Variants in HELZ2 observed in about 807,000 individuals in gnomAD.
The protein encoded by HELZ2 is 3'-5' exoribonuclease HELZ2.
HELZ2 carries 143 observed loss-of-function variants against 208.8 expected under a neutral mutation model. That is an observed-to-expected ratio of 0.68 (90% CI 0.60 to 0.79). HELZ2 has a LOEUF of 0.79. HELZ2 is among the 30% of genes least tolerant of loss of function. The pLI is 0.00. For synonymous variants in HELZ2, 1,705 were observed against 1,693.7 expected (o/e 1.01, Z -0.16); for missense variants, 3,690 against 3,794.5 (o/e 0.97, Z 0.72).
At chr20:63,564,583 C>T in exon 8 of HELZ2, 1 of 1,566,532 alleles carries the variant, frequency 6.4e-7, no homozygotes, top group Non-Finnish European at 8.6e-7. Context: ...TGAGGACGTC[C>T]TGGCAGAGGC....
At chr20:63,560,840 C>T in exon 15 of HELZ2, 1 of 1,613,254 alleles carries the variant, frequency 6.2e-7, no homozygotes, top group Non-Finnish European at 8.5e-7. Context: ...CGTGGTACCG[C>T]TCGAACAGAG....
intron 1 of HELZ2, 35 bp downstream of exon 2, chr20:63,572,073 G>T: frequency 5.1e-6 from 8 of 1,570,520 alleles, no homozygotes; most frequent in Non-Finnish European, 6.9e-6. Flanking sequence ...GTGGGCTCCT[G>T]CCCTACTCCA....
downstream of HELZ2, chr20:63,558,612 C>T (rs1193234504): frequency 6.6e-6 from 1 of 152,214 alleles, no homozygotes; most frequent in Non-Finnish European, 1.5e-5. Flanking sequence ...CATCAGAGCT[C>T]ACTGCAGCCT....
chr20:63,566,340 G>A (rs2082956810), intron 7 of HELZ2, 38 bp downstream of exon 8: 1 of 1,538,922 alleles, frequency 6.5e-7, no homozygotes, highest in Admixed American at 2.0e-5. Context: ...GGGGTATCCT[G>A]GGGCAGCTGG....
At chr20:63,573,452 C>A (rs1207974309), upstream of HELZ2, among the ~76,000 whole-genome samples, 1 of 152,154 alleles carries the variant, frequency 6.6e-6, no homozygotes, top group African/African-American at 2.4e-5. This position sits in a 1 kb window ranked among gnomAD's most constrained non-coding sequence, Gnocchi z 4.9. Flanking sequence ...CTGACCCGGA[C>A]ACAGCCAGAC....
At chr20:63,565,132 C>G (rs768732092) in exon 8 of HELZ2, 11 of 1,578,646 alleles carry the variant, frequency 7.0e-6, no homozygotes, top group Non-Finnish European at 9.5e-6. Context: ...GGTCCTTCAG[C>G]TCGGCCACGA....
At chr20:63,562,186 G>A in exon 10 of HELZ2, 13 of 1,612,194 alleles carry the variant, frequency 8.1e-6, no homozygotes, top group Non-Finnish European at 1.1e-5. Flanking sequence ...TGCCGCTCCA[G>A]GAACCTGCTG....
Position 63,562,003 on chromosome 20 carries a change from A to G in HELZ2, c.6530-19T>C, listed in dbSNP as rs1351998323. 1 of 1,595,044 alleles carries G rather than the reference A, an allele frequency of 6.3e-7. No homozygotes were observed. The highest frequency in any genetic ancestry group is 1.3e-5 in the African/African-American group (1 of 74,504). The stretch of plus-strand genomic sequence containing the variant: ...CCTGTACCTGCAGCCAGAGAATAGG[A>G]GATTGTAGCCCACCCTGTGGGTCCC... On this transcript the variant is annotated intron_variant, in intron 10 of 18. Coordinates refer to ENST00000467148, the Ensembl canonical transcript of HELZ2.
chr20:63,567,523 T>C, exon 6 of HELZ2: 2 of 1,563,938 alleles, frequency 1.3e-6, no homozygotes, highest in Non-Finnish European at 1.7e-6. Context: ...TGGGTCCGTC[T>C]GGCTCAGCGG....
At chr20:63,563,512 G>C (rs568050789) in exon 8 of HELZ2, 1 of 1,510,408 alleles carries the variant, frequency 6.6e-7, no homozygotes, top group Non-Finnish European at 8.8e-7. Context: ...CGTAGGGGAC[G>C]GGGCAGGGGT....
Position 63,566,461 on chromosome 20 carries a change from C to A in HELZ2, c.2515-8G>T. The stretch of plus-strand genomic sequence containing the variant: ...CTGCCTCAGTGCACTGACCTGAAGA[C>A]GCAGCAGGGCCGGGGATGAGTGCTG... On this transcript the variant is annotated splice_polypyrimidine_tract_variant and splice_region_variant and intron_variant, in intron 6 of 18. Transcript: ENST00000467148. 6.5e-7 allele frequency: 1 copy of A among 1,547,634 alleles called. No individual in the cohort carries two copies. The highest frequency in any genetic ancestry group is 8.7e-7 in the Non-Finnish European group (1 of 1,146,476).
chr20:63,558,885 C>T, downstream of HELZ2: 1 of 188,206 alleles, frequency 5.3e-6, no homozygotes, highest in Non-Finnish European at 1.1e-5. Flanking sequence ...CTGAACTCCA[C>T]AGACACCATC....
At chr20:63,570,570 C>T (rs1230184683) in exon 3 of HELZ2, 30 of 1,613,190 alleles carry the variant, frequency 1.9e-5, no homozygotes, top group Non-Finnish European at 2.5e-5. Context: ...ACATCAGGGG[C>T]TGGTTGCAGG....
exon 3 of HELZ2, chr20:63,570,577 C>T: frequency 1.9e-6 from 3 of 1,613,150 alleles, no homozygotes; most frequent in Non-Finnish European, 2.5e-6. Context: ...GGGCTGGTTG[C>T]AGGTGACACG....
chr20:63,562,401 A>G lies in HELZ2; in HGVS notation c.6303-19T>C, dbSNP rs1420136177. ...CTTGCGGCTGGGGGTGAAGGCAGAC[A>G]CTGGAAAACCAACAGGACTCCCAGG... On this transcript the variant is annotated intron_variant, in intron 8 of 18. Transcript: ENST00000467148. 1 of 1,566,560 alleles carries G rather than the reference A, an allele frequency of 6.4e-7. No individual in the cohort carries two copies. The highest frequency in any genetic ancestry group is 8.6e-7 in the Non-Finnish European group (1 of 1,164,966).
At chr20:63,561,770 T>C in intron 11 of HELZ2, 25 bp from the exon 13 acceptor site, 1 of 1,570,354 alleles carries the variant, frequency 6.4e-7, no homozygotes, top group Non-Finnish European at 8.6e-7. Context: ...GGGACGTGAG[T>C]CCTGCCCCGC....
rs1569027745 is a variant in HELZ2 at position 63,560,471 on chromosome 20, ACACT to A, written c.7500+4_7500+7del. ...GCCCTCCCTGACTCACAGGCACCAG[ACACT>A]CACCACCTCAGCCACCTCCTCCAGG... On this transcript the variant is annotated splice_donor_5th_base_variant and intron_variant, in intron 16 of 18. Coordinates refer to ENST00000467148, the Ensembl canonical transcript of HELZ2. The A allele has an allele frequency of 1.2e-6, 2 of 1,608,560 alleles. No homozygotes were observed. Among genetic ancestry groups the A allele is most frequent in the Non-Finnish European group, 1.7e-6 (2 of 1,179,526 alleles).
exon 8 of HELZ2, chr20:63,565,563 CCAT>C: frequency 6.2e-7 from 1 of 1,608,172 alleles, no homozygotes; most frequent in Non-Finnish European, 8.5e-7. Flanking sequence ...CCGACGGTCA[CCAT>C]CACCTTCTGG....
chr20:63,562,741 G>T, exon 8 of HELZ2: 2 of 1,604,134 alleles, frequency 1.2e-6, no homozygotes, highest in Non-Finnish European at 1.7e-6. Context: ...GGCCGAGGCT[G>T]CTGGGCCCAG....
Sources: allele counts gnomAD v4.1 joint callset (sites outside exome capture counted in the v4.1 genomes callset), GRCh38; gene constraint gnomAD v4.1.1; non-coding constraint Gnocchi (gnomAD v3.1); transcripts MANE v1.5; gene names NCBI Gene and HGNC (gene_info 2026-07-23, HGNC 2026-07-21).